Variants in PPP2R1B observed in about 807,000 individuals in gnomAD.
PPP2R1B encodes protein phosphatase 2 scaffold subunit Abeta.
A neutral mutation model predicts 72.7 loss-of-function variants in PPP2R1B; 58 were observed. The ratio of observed to expected loss-of-function variants is 0.80; its 90% CI spans 0.65 to 0.99. PPP2R1B has a LOEUF of 0.99. Ranked by LOEUF, PPP2R1B falls within the 50% of genes least tolerant of loss-of-function variation. The pLI, the probability that PPP2R1B is intolerant of heterozygous loss-of-function variation, is 0.00. For synonymous variants in PPP2R1B, 256 were observed against 264.6 expected, an observed-to-expected ratio of 0.97 and a Z score of 0.32; for missense variants, 695 against 733.6, an observed-to-expected ratio of 0.95 and a Z score of 0.61.
At chr11:111,754,946 G>A (rs1555049100) in intron 7 of PPP2R1B, 34 bp downstream of exon 7, 1 of 1,511,802 alleles carries the variant, frequency 6.6e-7, no homozygotes. Context: ...CAAAATGAAT[G>A]ACACATGTTC....
At chr11:111,724,538 AT>A (rs142847023), downstream of PPP2R1B, 7,268 of 171,368 alleles carry the variant, frequency 0.042, 562 homozygotes, top group African/African-American at 0.16. Context: ...AAGGCAATAT[AT>A]TTTTCACTGA....
the PPP2R1B span, among the ~76,000 whole-genome samples, chr11:111,709,286 G>A: frequency 5.3e-5 from 8 of 152,082 alleles, no homozygotes; most frequent in African/African-American, 1.9e-4. Context: ...TGGGATCAGG[G>A]CCCCAACCTC....
downstream of PPP2R1B, chr11:111,723,971 A>C (rs1943887685): frequency 6.2e-7 from 1 of 1,614,032 alleles, no homozygotes; most frequent in African/African-American, 1.3e-5. Flanking sequence ...AGCCCAGCAG[A>C]GCGACCTAAC....
At chr11:111,737,347 T>C, downstream of PPP2R1B, 1 of 1,555,404 alleles carries the variant, frequency 6.4e-7, no homozygotes, top group South Asian at 1.2e-5. Context: ...TGAGAGGTGC[T>C]GCTTCTCCGC....
At chr11:111,743,552 T>C (rs1463241505) in intron 11 of PPP2R1B, 22 bp from the exon 12 acceptor site, 2 of 1,590,542 alleles carry the variant, frequency 1.3e-6, no homozygotes, top group South Asian at 1.1e-5. Flanking sequence ...GTCAAAAACA[T>C]GTTCTCATAT....
chr11:111,692,486 GC>G, the PPP2R1B span, among the ~76,000 whole-genome samples: 65 of 151,630 alleles, frequency 4.3e-4, no homozygotes, highest in African/African-American at 1.5e-3. Flanking sequence ...AGAGGCCAGA[GC>G]GAATTGGAGT....
chr11:111,723,630 CT>C, downstream of PPP2R1B: 1 of 1,613,772 alleles, frequency 6.2e-7, no homozygotes. Flanking sequence ...ACTCCACCGC[CT>C]TCTCAGCAGG....
Position 111,740,491 on chromosome 11 carries a change from A to G in PPP2R1B, c.*1105T>C, listed in dbSNP as rs762556294. On this transcript the variant is annotated 3_prime_UTR_variant, in exon 15 of 15. Transcript: ENST00000527614. ...ATAGGTGCTTTTTAAAAAGGGCTTTAATACTGTTTAAGTAGTTCAAATAGG... is the reference window on the plus strand; with the variant it reads ...ATAGGTGCTTTTTAAAAAGGGCTTTGATACTGTTTAAGTAGTTCAAATAGG... 2 of 985,228 alleles carry G rather than the reference A, an allele frequency of 2.0e-6. No individual in the cohort carries two copies. The highest frequency in any genetic ancestry group is 2.4e-6 in the Non-Finnish European group (2 of 829,750). The allele number at this position is 985,228 out of a possible 1,614,324, so 61.0% of individuals were successfully genotyped here.
chr11:111,763,531 A>C (rs674525), intron 3 of PPP2R1B, among the ~76,000 whole-genome samples: 5,412 of 152,292 alleles, frequency 0.036, 331 homozygotes, highest in African/African-American at 0.12. Context: ...ATCTAGAGGA[A>C]AGATGACAGT....
intron 10 of PPP2R1B, among the ~76,000 whole-genome samples, chr11:111,750,223 G>A (rs782096113): frequency 6.6e-6 from 1 of 152,152 alleles, no homozygotes; most frequent in Non-Finnish European, 1.5e-5. Context: ...CAAATTCAGG[G>A]GTTCAAGACA....
chr11:111,764,299 A>G (rs1945437455), intron 3 of PPP2R1B, among the ~76,000 whole-genome samples: 1 of 151,822 alleles, frequency 6.6e-6, no homozygotes. Context: ...CTCCAGTCTC[A>G]GCCTCCTGAG....
intron 14 of PPP2R1B, 32 bp downstream of exon 14, chr11:111,742,021 T>C (rs1349071901): frequency 6.5e-7 from 1 of 1,545,446 alleles, no homozygotes. Context: ...AACCAAGGCA[T>C]AAGCTGCAAG....
chr11:111,743,075 G>A (rs1197928776), intron 12 of PPP2R1B, among the ~76,000 whole-genome samples: 1 of 151,816 alleles, frequency 6.6e-6, no homozygotes, highest in African/African-American at 2.4e-5. Flanking sequence ...TGTATTTTTA[G>A]TAGAGACAAG....
the PPP2R1B span, chr11:111,712,266 G>T: frequency 6.2e-7 from 1 of 1,614,164 alleles, no homozygotes; most frequent in Non-Finnish European, 8.5e-7. Context: ...AGGCTGCTGC[G>T]ATCTGCCCTC....
At chr11:111,757,442 G>A (rs1555050067) in intron 5 of PPP2R1B, among the ~76,000 whole-genome samples, 1 of 152,146 alleles carries the variant, frequency 6.6e-6, no homozygotes, top group African/African-American at 2.4e-5. Flanking sequence ...CTAAGTTCTT[G>A]GTAGTGACTA....
chr11:111,765,262 CCCTA>C (rs1388333063), intron 2 of PPP2R1B, 28 bp downstream of exon 2: 1 of 1,566,590 alleles, frequency 6.4e-7, no homozygotes, highest in Non-Finnish European at 8.8e-7. Flanking sequence ...AATGGAATGT[CCCTA>C]CCTTTCTTTA....
intron 5 of PPP2R1B, among the ~76,000 whole-genome samples, chr11:111,757,686 T>G (rs1156313424): frequency 3.3e-5 from 5 of 151,876 alleles, no homozygotes; most frequent in Admixed American, 6.6e-5. Flanking sequence ...ATACAAAAAA[T>G]TAGCCAGTCA....
chr11:111,719,831 G>T, the PPP2R1B span: 1 of 1,614,156 alleles, frequency 6.2e-7, no homozygotes, highest in South Asian at 1.1e-5. Context: ...AGGGATGCCA[G>T]TCACTGCCCA....
chr11:111,744,203 A>G (rs1944624199), intron 11 of PPP2R1B, among the ~76,000 whole-genome samples: 1 of 152,236 alleles, frequency 6.6e-6, no homozygotes, highest in African/African-American at 2.4e-5. Flanking sequence ...TGGGTTTTTA[A>G]AGCAAACTTG....
Sources: gnomAD v4.1 joint callset for allele counts (sites outside exome capture counted in the v4.1 genomes callset) on GRCh38, gnomAD v4.1.1 for gene constraint, MANE v1.5 for transcripts, NCBI Gene and HGNC (gene_info 2026-07-23, HGNC 2026-07-21) for gene names.